The following RALYL variants were observed in gnomAD, a reference collection of about 807,000 sequenced individuals.
RALYL encodes the protein RALY RNA binding protein like, also known as RNA-binding Raly-like protein.
RALYL carries 29 observed loss-of-function variants against 35.1 expected under a neutral mutation model. The ratio of observed to expected loss-of-function variants is 0.83; its 90% CI spans 0.61 to 1.13. The LOEUF (loss-of-function observed/expected upper bound fraction) is 1.13, where lower values mean the gene tolerates loss of function less well. Ranked by LOEUF, RALYL falls within the 50% of genes most tolerant of loss-of-function variation. RALYL has a pLI of 0.00. For missense variants in RALYL, 359 were observed against 360.4 expected, an observed-to-expected ratio of 1.00 and a Z score of 0.03; for synonymous variants, 120 against 127.6, an observed-to-expected ratio of 0.94 and a Z score of 0.40.
At chr8:84,482,114 T>C (rs984218905) in intron 1 of RALYL, among the ~76,000 whole-genome samples, 1 of 152,110 alleles carries the variant, frequency 6.6e-6, no homozygotes, top group African/African-American at 2.4e-5. Flanking sequence ...TTTCTTTAAA[T>C]AATATGCTTA....
At chr8:84,285,287 C>T (rs116907008) in intron 1 of RALYL, among the ~76,000 whole-genome samples, 2 of 152,102 alleles carry the variant, frequency 1.3e-5, no homozygotes, top group East Asian at 3.9e-4. Flanking sequence ...GTTCAAAGAT[C>T]TAAAAAGTCA....
chr8:84,798,961 C>T (rs1296710779), intron 3 of RALYL, among the ~76,000 whole-genome samples: 2 of 152,034 alleles, frequency 1.3e-5, no homozygotes, highest in Non-Finnish European at 2.9e-5. Context: ...AAGACAAAGG[C>T]TGAGAAGGTA....
chr8:84,627,181 T>C (rs915939992), intron 2 of RALYL, among the ~76,000 whole-genome samples: 4 of 151,954 alleles, frequency 2.6e-5, no homozygotes, highest in African/African-American at 7.3e-5. Flanking sequence ...TAAAAAGGGC[T>C]TCTGAAGTCT....
intron 1 of RALYL, among the ~76,000 whole-genome samples, chr8:84,209,125 C>CAAAAAAAAAAAAAA (rs60246316): frequency 3.6e-3 from 347 of 97,464 alleles, no homozygotes; most frequent in Non-Finnish European, 5.0e-3. Flanking sequence ...ACTCCTCCAC[C>CAAAAAAAAAAAAAA]AAAAAAAAAA....
At chr8:84,515,075 T>A (rs537393680) in intron 1 of RALYL, among the ~76,000 whole-genome samples, 1 of 152,340 alleles carries the variant, frequency 6.6e-6, no homozygotes, top group South Asian at 2.1e-4. Flanking sequence ...CTTATGTAGT[T>A]GCAATAATTG....
intron 1 of RALYL, among the ~76,000 whole-genome samples, chr8:84,348,130 T>C (rs1377715873): frequency 6.6e-6 from 1 of 152,088 alleles, no homozygotes; most frequent in Non-Finnish European, 1.5e-5. Context: ...GTTGGAGGAA[T>C]ATACTATTAA....
At chr8:84,247,546 G>A (rs1287697874) in intron 1 of RALYL, among the ~76,000 whole-genome samples, 80 of 148,678 alleles carry the variant, frequency 5.4e-4, no homozygotes, top group Admixed American at 1.7e-3. Context: ...AAAAAAAAAA[G>A]AAAAAAAAAC....
Position 84,307,632 on chromosome 8 carries a change from A to AT in RALYL, c.-24+123213dup, listed in dbSNP as rs554859671. On this transcript the variant is annotated intron_variant, in intron 1 of 8. Transcript: ENST00000521268. ...GGAGAATAGAACATAGACCTTTAAT[A>AT]TTTTTGGTGACAAGAAGTTTGAAGG... Among the ~76,000 whole-genome samples, 448 of 152,282 alleles carry AT rather than the reference A, an allele frequency of 2.9e-3. 1 individual carries two copies. The highest frequency in any genetic ancestry group is 7.9e-3 in the South Asian group (38 of 4,830).
intron 8 of RALYL, among the ~76,000 whole-genome samples, chr8:84,904,233 G>C (rs1846128451): frequency 1.3e-5 from 2 of 152,020 alleles, no homozygotes; most frequent in South Asian, 4.1e-4. Context: ...TCCATTAAAA[G>C]GTCTATTTGT....
At chr8:84,456,639 G>A (rs891383049) in intron 1 of RALYL, among the ~76,000 whole-genome samples, 9 of 152,024 alleles carry the variant, frequency 5.9e-5, no homozygotes, top group Admixed American at 2.0e-4. Context: ...TAATCATTGC[G>A]TTCCTACTAT....
At chr8:84,279,768 C>G (rs1254546431) in intron 1 of RALYL, among the ~76,000 whole-genome samples, 4 of 152,002 alleles carry the variant, frequency 2.6e-5, no homozygotes, top group African/African-American at 9.7e-5. Flanking sequence ...ATCTTTTTAC[C>G]ACTGATTTTT....
intron 2 of RALYL, among the ~76,000 whole-genome samples, chr8:84,596,941 TAC>T (rs1814689171): frequency 6.6e-6 from 1 of 152,100 alleles, no homozygotes; most frequent in Non-Finnish European, 1.5e-5. Flanking sequence ...GTCTCTCTGT[TAC>T]TTAAAGAAGC....
At chr8:84,349,553 G>C (rs1165194712) in intron 1 of RALYL, among the ~76,000 whole-genome samples, 4 of 150,174 alleles carry the variant, frequency 2.7e-5, no homozygotes, top group Non-Finnish European at 5.9e-5. Context: ...GCAGTTACTT[G>C]AGCTTCAAAT....
chr8:84,277,371 A>G (rs1336924741), intron 1 of RALYL, among the ~76,000 whole-genome samples: 1 of 152,116 alleles, frequency 6.6e-6, no homozygotes, highest in African/African-American at 2.4e-5. Flanking sequence ...AATTATCTCC[A>G]CCTGGTGCTT....
intron 4 of RALYL, among the ~76,000 whole-genome samples, chr8:84,814,065 C>T (rs1287482913): frequency 2.0e-5 from 3 of 151,438 alleles, no homozygotes; most frequent in African/African-American, 7.4e-5. Context: ...CATCTCCCCA[C>T]TTAAACTCCC....
intron 1 of RALYL, among the ~76,000 whole-genome samples, chr8:84,512,902 C>A (rs2057742983): frequency 6.6e-6 from 1 of 151,988 alleles, no homozygotes; most frequent in Non-Finnish European, 1.5e-5. Flanking sequence ...GTTTTTATAC[C>A]AATACCATGC....
At chr8:84,413,491 G>A (rs950584531) in intron 1 of RALYL, among the ~76,000 whole-genome samples, 20 of 151,814 alleles carry the variant, frequency 1.3e-4, no homozygotes, top group African/African-American at 4.3e-4. Context: ...ATATGGTTTG[G>A]GATGAGCTGT....
intron 2 of RALYL, among the ~76,000 whole-genome samples, chr8:84,589,740 G>A (rs918467083): frequency 1.5e-4 from 23 of 152,174 alleles, no homozygotes; most frequent in Non-Finnish European, 1.8e-4. Flanking sequence ...TTAACTCTCT[G>A]TGTCACATTT....
In RALYL at chr8:84,779,218, T is replaced by A. The variant is rs569444109; in HGVS notation, c.332+4564T>A. ...AAAATAATAATTCTCCCCCAGGAAG[T>A]GAGTTTTCCAGCATGCCAACTTTCA... On this transcript the variant is annotated intron_variant, in intron 3 of 8. Transcript: ENST00000521268. Among the ~76,000 whole-genome samples, 20 of 152,332 alleles carry A rather than the reference T, an allele frequency of 1.3e-4. 1 individual carries two copies. The highest frequency in any genetic ancestry group is 1.0e-3 in the South Asian group (5 of 4,830).
Sources: gnomAD v4.1 joint callset for allele counts (sites outside exome capture counted in the v4.1 genomes callset) on GRCh38, gnomAD v4.1.1 for gene constraint, MANE v1.5 for transcripts, NCBI Gene and HGNC (gene_info 2026-07-23, HGNC 2026-07-21) for gene names.